The following ADAMTS18 variants were observed in gnomAD, a reference collection of about 807,000 sequenced individuals.
The protein encoded by ADAMTS18 is ADAM metallopeptidase with thrombospondin type 1 motif 18.
In ADAMTS18, 157 loss-of-function variants were observed where a neutral mutation model predicts 165.9. That is an observed-to-expected ratio of 0.95 (90% confidence interval 0.83 to 1.08). ADAMTS18 has a LOEUF of 1.08. ADAMTS18 is among the 50% of genes least tolerant of loss of function. ADAMTS18 has a pLI of 0.00. For synonymous variants in ADAMTS18, 782 were observed against 578.2 expected (o/e 1.35, Z -5.06); for missense variants, 2,040 against 1,534.0 (o/e 1.33, Z -5.51).
At chr16:77,309,329 T>C (rs1020719476) in intron 16 of ADAMTS18, among the ~76,000 whole-genome samples, 2 of 152,250 alleles carry the variant, frequency 1.3e-5, no homozygotes, top group Non-Finnish European at 2.9e-5. Context: ...ATCAAAAACT[T>C]GATTGATTTA....
chr16:77,428,455 C>G (rs1007446103), intron 3 of ADAMTS18, among the ~76,000 whole-genome samples: 1 of 152,110 alleles, frequency 6.6e-6, no homozygotes, highest in African/African-American at 2.4e-5. Context: ...ACAATGCAAA[C>G]TACACCCATA....
intron 20 of ADAMTS18, among the ~76,000 whole-genome samples, chr16:77,292,371 C>T (rs1472423415): frequency 6.6e-6 from 1 of 152,162 alleles, no homozygotes; most frequent in African/African-American, 2.4e-5. Context: ...GATTTTTCCA[C>T]CCCATCCCAT....
intron 16 of ADAMTS18, among the ~76,000 whole-genome samples, chr16:77,313,408 C>T (rs2055821091): frequency 6.6e-6 from 1 of 151,026 alleles, no homozygotes; most frequent in African/African-American, 2.4e-5. Context: ...CAAACCTGTA[C>T]ATTGTGCACA....
chr16:77,310,346 A>G (rs1281560010), intron 16 of ADAMTS18, among the ~76,000 whole-genome samples: 1 of 152,184 alleles, frequency 6.6e-6, no homozygotes, highest in Non-Finnish European at 1.5e-5. Context: ...GGGGTGCTCT[A>G]AAAGTACTTC....
At chr16:77,424,841 C>T (rs1049314656) in intron 3 of ADAMTS18, among the ~76,000 whole-genome samples, 2 of 152,136 alleles carry the variant, frequency 1.3e-5, no homozygotes. Context: ...CTCAAGTGAC[C>T]GAAAAGCTCC....
intron 16 of ADAMTS18, among the ~76,000 whole-genome samples, chr16:77,306,790 C>T (rs1370824137): frequency 2.0e-5 from 3 of 152,160 alleles, no homozygotes; most frequent in Non-Finnish European, 2.9e-5. Flanking sequence ...GAAGAAGGTG[C>T]TATTAATTCC....
chr16:77,362,413 C>G, intron 6 of ADAMTS18, 149 bp from the exon 7 acceptor site: 2 of 770,084 alleles, frequency 2.6e-6, no homozygotes, highest in Admixed American at 2.4e-5. Context: ...AGGAAAATCT[C>G]TATTTTAGGT....
chr16:77,319,022 T>C (rs1205169041), intron 16 of ADAMTS18, among the ~76,000 whole-genome samples: 1 of 152,190 alleles, frequency 6.6e-6, no homozygotes, highest in Non-Finnish European at 1.5e-5. Flanking sequence ...TGCAGAGTCA[T>C]TTCCAGATAT....
intron 3 of ADAMTS18, among the ~76,000 whole-genome samples, chr16:77,379,841 C>G (rs769213190): frequency 6.6e-6 from 1 of 152,136 alleles, no homozygotes; most frequent in Non-Finnish European, 1.5e-5. Flanking sequence ...CCAGTGAACA[C>G]CTGAGCACTT....
In ADAMTS18 at chr16:77,284,072, C is replaced by G. The variant is rs759235937; in HGVS notation, c.3551-1G>C. 1 of 1,595,552 alleles carries G rather than the reference C, an allele frequency of 6.3e-7. No individual in the cohort carries two copies. Among genetic ancestry groups the G allele is most frequent in the East Asian group, 2.2e-5 (1 of 44,724 alleles). On this transcript the variant is annotated splice_acceptor_variant, in intron 22 of 22. Coordinates refer to ENST00000282849, the MANE Select transcript of ADAMTS18 (RefSeq NM_199355.4). LOFTEE classifies it high-confidence loss of function. ...AAGAAATCTACGCAGGATGGATCCT[C>G]TAAAATAAGAAAATATATTTAGCAT...
chr16:77,364,969 G>T (rs966278929), intron 4 of ADAMTS18, among the ~76,000 whole-genome samples: 25 of 152,178 alleles, frequency 1.6e-4, no homozygotes, highest in African/African-American at 5.8e-4. Context: ...AGTCATGCAT[G>T]GTGGTGCATG....
intron 11 of ADAMTS18, among the ~76,000 whole-genome samples, chr16:77,337,891 A>T (rs972928172): frequency 1.4e-5 from 2 of 147,794 alleles, no homozygotes; most frequent in African/African-American, 5.0e-5. Context: ...AATTTTATCC[A>T]TCTTTTCTTT....
At chr16:77,288,911 C>T (rs890887649) in intron 22 of ADAMTS18, among the ~76,000 whole-genome samples, 9 of 152,090 alleles carry the variant, frequency 5.9e-5, no homozygotes, top group Non-Finnish European at 1.0e-4. Flanking sequence ...ATGGTGAAAC[C>T]CTGTCTCTAC....
chr16:77,362,113 T>C lies in ADAMTS18; in HGVS notation c.1208A>G (p.Asp403Gly). ...ATCTGTTCATACCATACCTAGAGTG[T>C]CACATGGTTCATTCTTCCAAGAACA... ...DICSWKNEPC[D>G]TLGFAPISGM... is the part of the protein sequence containing the mutation. The change falls in exon 7 of 23, where the codon GAC becomes GGC. Residue 403 changes from aspartate to glycine, a missense_variant. Coordinates refer to ENST00000282849, the MANE Select transcript of ADAMTS18 (RefSeq NM_199355.4). 1 of 1,614,092 alleles carries C rather than the reference T, an allele frequency of 6.2e-7. No homozygotes were observed. Among genetic ancestry groups the C allele is most frequent in the Non-Finnish European group, 8.5e-7 (1 of 1,179,990 alleles).
chr16:77,321,325 T>G, intron 14 of ADAMTS18, 123 bp from the exon 15 acceptor site: 1 of 1,317,090 alleles, frequency 7.6e-7, no homozygotes, highest in Non-Finnish European at 1.1e-6. Context: ...AGCTTATGGT[T>G]AAAAATCACA....
intron 3 of ADAMTS18, among the ~76,000 whole-genome samples, chr16:77,381,536 G>A (rs1427551410): frequency 6.6e-6 from 1 of 152,122 alleles, no homozygotes; most frequent in Non-Finnish European, 1.5e-5. Flanking sequence ...GGGTGGGGTG[G>A]CTCACGCCTG....
At chr16:77,321,679 A>T (rs1454630429) in intron 14 of ADAMTS18, among the ~76,000 whole-genome samples, 1 of 152,234 alleles carries the variant, frequency 6.6e-6, no homozygotes, top group Non-Finnish European at 1.5e-5. Flanking sequence ...GATTCTAATC[A>T]TATAGTAAAG....
chr16:77,425,060 T>A (rs777948502), intron 3 of ADAMTS18, among the ~76,000 whole-genome samples: 25 of 152,150 alleles, frequency 1.6e-4, no homozygotes, highest in Non-Finnish European at 3.1e-4. Context: ...TAAAATACTT[T>A]TGAAAGGGGG....
chr16:77,373,074 A>T (rs959184584), intron 3 of ADAMTS18, among the ~76,000 whole-genome samples: 11 of 152,060 alleles, frequency 7.2e-5, no homozygotes, highest in Admixed American at 5.2e-4. Context: ...GCATTTTCAC[A>T]CATTTTTTTT....
Sources: allele counts gnomAD v4.1 joint callset (sites outside exome capture counted in the v4.1 genomes callset), GRCh38; gene constraint gnomAD v4.1.1; transcripts MANE v1.5; gene names NCBI Gene and HGNC (gene_info 2026-07-23, HGNC 2026-07-21).